The following DLGAP2 variants were observed in gnomAD, a reference collection of about 807,000 sequenced individuals.
The protein encoded by DLGAP2 is disks large-associated protein 2.
Under a neutral mutation model 100.3 loss-of-function variants are expected in DLGAP2, and 26 were observed. That is an observed-to-expected ratio of 0.26 (90% confidence interval 0.19 to 0.36). The LOEUF (loss-of-function observed/expected upper bound fraction) is 0.36, where lower values mean the gene tolerates loss of function less well. DLGAP2 is among the 10% of genes least tolerant of loss of function. The pLI, the probability that DLGAP2 is intolerant of heterozygous loss-of-function variation, is 1.00. For missense variants in DLGAP2, 1,858 were observed against 1,453.2 expected, an observed-to-expected ratio of 1.28 and a Z score of -4.53; for synonymous variants, 886 against 630.1, an observed-to-expected ratio of 1.41 and a Z score of -6.08.
chr8:772,005 C>A (rs1043437321), intron 1 of DLGAP2, among the ~76,000 whole-genome samples: 1 of 151,866 alleles, frequency 6.6e-6, no homozygotes, highest in African/African-American at 2.4e-5. Context: ...TGGACTCAAG[C>A]GATCCTCTTG....
chr8:1,238,191 TCATGTCTAGTTCTCTCTCACATGGCAC>T (rs1157247054), intron 2 of DLGAP2, among the ~76,000 whole-genome samples: 3 of 37,018 alleles, frequency 8.1e-5, no homozygotes, highest in Non-Finnish European at 1.5e-4. Context: ...ACACAGAGCA[TCATGTCTAGTTCTCTCTCACATGGCAC>T]CGTGTCTAGT....
At chr8:1,573,213 G>C (rs1430630130) in intron 6 of DLGAP2, among the ~76,000 whole-genome samples, 1 of 137,566 alleles carries the variant, frequency 7.3e-6, no homozygotes, top group African/African-American at 2.9e-5. Context: ...CATCTGATGA[G>C]ATGGAGAGGA....
intron 2 of DLGAP2, among the ~76,000 whole-genome samples, chr8:1,231,013 C>G (rs1245856618): frequency 2.6e-5 from 4 of 152,104 alleles, no homozygotes; most frequent in Non-Finnish European, 4.4e-5. Flanking sequence ...CAAGTGGGAC[C>G]TAATTAAGTT....
rs180938988 is a variant in DLGAP2, at chr8:883,702, C to T, written c.19-24210C>T. ...CGCGGCGGTTCGTTACGTAGGTGCG[C>T]GTGTGCCGCGGCCGTTCGTTACGTA... On this transcript the variant is annotated intron_variant, in intron 1 of 14. Transcript: ENST00000637795. Among the ~76,000 whole-genome samples, 635 of 152,072 alleles carry T rather than the reference C, an allele frequency of 4.2e-3. 2 individuals are homozygous for T. Among genetic ancestry groups the T allele is most frequent in the African/African-American group, 0.014 (596 of 41,414 alleles).
intron 3 of DLGAP2, among the ~76,000 whole-genome samples, chr8:1,363,366 C>T (rs191744981): frequency 1.3e-5 from 2 of 152,266 alleles, no homozygotes; most frequent in East Asian, 3.9e-4. Flanking sequence ...CTCGCCGGTC[C>T]CACGTCCGTG....
chr8:1,446,216 T>A (rs1419428257), intron 3 of DLGAP2, among the ~76,000 whole-genome samples: 9 of 152,198 alleles, frequency 5.9e-5, no homozygotes, highest in African/African-American at 2.2e-4. Flanking sequence ...AGGGTTTTTA[T>A]GGTTTTAGGT....
intron 2 of DLGAP2, among the ~76,000 whole-genome samples, chr8:962,816 C>T (rs1468126635): frequency 6.6e-6 from 1 of 152,146 alleles, no homozygotes; most frequent in Non-Finnish European, 1.5e-5. Context: ...TTTGCTGTGG[C>T]CCTCAGGTGA....
At chr8:1,258,761 T>G in intron 2 of DLGAP2, 90 bp from the exon 3 acceptor site, 1 of 1,110,120 alleles carries the variant, frequency 9.0e-7, no homozygotes, top group Non-Finnish European at 1.1e-6. Flanking sequence ...ATCTTAAAGT[T>G]GTAGTTTTGT....
chr8:783,676 T>A (rs1260069830), intron 1 of DLGAP2, among the ~76,000 whole-genome samples: 3 of 152,182 alleles, frequency 2.0e-5, no homozygotes, highest in Non-Finnish European at 4.4e-5. Context: ...TGAGTGATGC[T>A]TCTGCGTCTT....
At chr8:1,606,097 G>A (rs1359189423) in intron 6 of DLGAP2, among the ~76,000 whole-genome samples, 1 of 152,158 alleles carries the variant, frequency 6.6e-6, no homozygotes, top group Non-Finnish European at 1.5e-5. Flanking sequence ...CTCCCTCACT[G>A]TCCTTCCTTG....
chr8:1,690,703 C>CAAAAAAAAAA lies in DLGAP2; in HGVS notation c.2705-815_2705-806dup, dbSNP rs71190752. On this transcript the variant is annotated intron_variant, in intron 12 of 14. Transcript: ENST00000637795. ...TGGGCGATAAAGGGAGACCCTATCT[C>CAAAAAAAAAA]AAAAAAAAAAAAAAAAAAAAAAAAA... 1.2e-3 allele frequency among the ~76,000 whole-genome samples: 76 copies of CAAAAAAAAAA among 62,068 alleles called. 2 individuals carry two copies. Among genetic ancestry groups the CAAAAAAAAAA allele is most frequent in the East Asian group, 4.1e-3 (8 of 1,944 alleles). The allele number at this position is 62,068 out of a possible 152,430, so 40.7% of individuals were successfully genotyped here. A position where few individuals can be genotyped will look rare whatever the true frequency, so the allele number is the denominator to read the frequency against.
rs184763298 is a variant in DLGAP2 at position 1,244,402 on chromosome 8, G to T, written c.74-14449G>T. Among the ~76,000 whole-genome samples, 320 of 152,358 alleles carry T rather than the reference G, an allele frequency of 2.1e-3. 1 individual carries two copies. Among genetic ancestry groups the T allele is most frequent in the African/African-American group, 7.3e-3 (302 of 41,582 alleles). On this transcript the variant is annotated intron_variant, in intron 2 of 14. Transcript: ENST00000637795. ...GAACATAGGGATATGAGCTCCTGAG[G>T]AGGAAAGGCAAAATATTGTGTTATA...
intron 1 of DLGAP2, among the ~76,000 whole-genome samples, chr8:819,063 A>G (rs538579318): frequency 6.6e-6 from 1 of 152,366 alleles, no homozygotes; most frequent in East Asian, 1.9e-4. Context: ...CATCAGTCTC[A>G]TTTAATGACT....
At chr8:1,443,897 C>T (rs1390010043) in intron 3 of DLGAP2, among the ~76,000 whole-genome samples, 1 of 152,106 alleles carries the variant, frequency 6.6e-6, no homozygotes, top group African/African-American at 2.4e-5. Flanking sequence ...GGAAGTGGTA[C>T]TGATAAAAAA....
At chr8:1,677,447 C>G (rs115055112) in intron 11 of DLGAP2, among the ~76,000 whole-genome samples, 2 of 152,306 alleles carry the variant, frequency 1.3e-5, no homozygotes, top group African/African-American at 2.4e-5. Context: ...GCATGCACAG[C>G]TGTGTGCTTC....
intron 2 of DLGAP2, among the ~76,000 whole-genome samples, chr8:940,625 G>A (rs868484707): frequency 6.6e-6 from 1 of 152,144 alleles, no homozygotes; most frequent in South Asian, 2.1e-4. Flanking sequence ...GACGTTTTCG[G>A]GGGAAGGGGG....
intron 3 of DLGAP2, among the ~76,000 whole-genome samples, chr8:1,460,515 G>A (rs1798443205): frequency 6.6e-6 from 1 of 152,298 alleles, no homozygotes; most frequent in East Asian, 1.9e-4. Context: ...TGTCACGGCT[G>A]CCTTCCTGGA....
At chr8:1,287,657 T>TATG (rs1799969504) in intron 3 of DLGAP2, among the ~76,000 whole-genome samples, 1 of 129,310 alleles carries the variant, frequency 7.7e-6, no homozygotes, top group Non-Finnish European at 1.6e-5. Context: ...TGTGTGTGTG[T>TATG]GTATGGTTCT....
chr8:1,421,133 C>T (rs1354020981), intron 3 of DLGAP2, among the ~76,000 whole-genome samples: 1 of 152,182 alleles, frequency 6.6e-6, no homozygotes, highest in East Asian at 1.9e-4. Context: ...GTATGTTTTT[C>T]AGACCTTTGA....
Sources: allele counts gnomAD v4.1 joint callset (sites outside exome capture counted in the v4.1 genomes callset), GRCh38; gene constraint gnomAD v4.1.1; transcripts MANE v1.5; gene names NCBI Gene and HGNC (gene_info 2026-07-23, HGNC 2026-07-21).